The following NOTCH4 variants were observed in gnomAD, a reference collection of about 807,000 sequenced individuals.
NOTCH4 encodes notch receptor 4, also known as neurogenic locus notch homolog protein 4.
NOTCH4 carries 138 observed loss-of-function variants against 189.0 expected under a neutral mutation model. That is an observed-to-expected ratio of 0.73 (90% CI 0.64 to 0.84). The LOEUF is 0.84. Ranked by LOEUF, NOTCH4 falls within the 40% of genes least tolerant of loss-of-function variation. NOTCH4 has a pLI of 0.00. For synonymous variants in NOTCH4, 942 were observed against 1,032.8 expected (o/e 0.91, Z 1.69); for missense variants, 2,286 against 2,605.4 (o/e 0.88, Z 2.67).
intron 11 of NOTCH4, 105 bp downstream of exon 11, chr6:32,216,840 T>G: frequency 1.5e-6 from 2 of 1,293,032 alleles, no homozygotes; most frequent in Non-Finnish European, 2.2e-6. Flanking sequence ...ACCATTCTCA[T>G]TCTATTCTCA....
In NOTCH4 at chr6:32,210,680, C is replaced by T. The variant is rs1203984477; in HGVS notation, c.2865+72G>A. ...GTGAAATGGATACATTGGGTCTTCC[C>T]TCAGTCACTACTGTCTCTCCCATCC... On this transcript the variant is annotated intron_variant, in intron 18 of 29. Transcript: ENST00000375023. The surrounding 1 kb of genome is among the most constrained non-coding windows in gnomAD (Gnocchi z 4.8). The T allele has an allele frequency of 4.8e-6, 7 of 1,459,946 alleles. No homozygotes were observed. The highest frequency in any genetic ancestry group is 6.7e-6 in the Non-Finnish European group (7 of 1,046,956). 90.4% of individuals were successfully genotyped at this position (1,459,946 alleles called of 1,614,324 possible).
chr6:32,197,979 G>A (rs528251442), intron 26 of NOTCH4, among the ~76,000 whole-genome samples: 7 of 152,142 alleles, frequency 4.6e-5, no homozygotes, highest in Non-Finnish European at 8.8e-5. Flanking sequence ...CCGCCACCAC[G>A]CCCGGCTAAT....
chr6:32,196,034 G>T lies in NOTCH4; in HGVS notation c.5415C>A (p.Asp1805Glu). Reference protein sequence around the residue: ...LRDQAGLAPADVAHQRNHWDL... With the variant: ...LRDQAGLAPAEVAHQRNHWDL... Reference sequence around the variant, plus strand: ...CCCAGTGGTTACGTTGGTGAGCGACGTCCGCCGGCGCTAGCCCAGCCTGGT... The same window carrying T: ...CCCAGTGGTTACGTTGGTGAGCGACTTCCGCCGGCGCTAGCCCAGCCTGGT... Residue 1805 changes from aspartate (D) to glutamate (E), a missense_variant, in exon 30 of 30, where the codon GAC (aspartate) becomes GAA (glutamate). Physicochemically the swap from Asp to Glu is conservative, Grantham distance 45. Around this residue, in one of 2 missense-constraint regions of NOTCH4, gnomAD observed 383 missense variants for 343.5 expected, o/e 1.11. Coordinates refer to ENST00000375023, the MANE Select transcript of NOTCH4 (RefSeq NM_004557.4). 6.3e-7 allele frequency: 1 copy of T among 1,595,150 alleles called. No homozygotes were observed. The highest frequency in any genetic ancestry group is 8.5e-7 in the Non-Finnish European group (1 of 1,177,442).
At position 32,223,915 on chromosome 6, in the gene NOTCH4, G is replaced by GCA; in HGVS notation, c.13_14insTG (p.Ser5LeufsTer39). ...CAGCAGCAGCAGCAGCAGCAGCAGT[G>GCA]AAGGGGGCTGCATTCCACAGCCCCT... On this transcript the variant is annotated frameshift_variant, in exon 1 of 30. Transcript: ENST00000375023. LOFTEE classifies it high-confidence loss of function. The GCA allele has an allele frequency of 6.8e-7, 1 of 1,469,814 alleles. No homozygotes were observed. The highest frequency in any genetic ancestry group is 9.3e-7 in the Non-Finnish European group (1 of 1,070,004). The allele number at this position is 1,469,814 out of a possible 1,614,324, so 91.0% of individuals were successfully genotyped here. A position where few individuals can be genotyped will look rare whatever the true frequency, so the allele number is the denominator to read the frequency against.
At position 32,195,628 on chromosome 6, in the gene NOTCH4, C is replaced by CGG; in HGVS notation, c.5820_5821insCC (p.Gly1941ProfsTer56). On this transcript the variant is annotated frameshift_variant, in exon 30 of 30. Coordinates refer to ENST00000375023, the MANE Select transcript of NOTCH4 (RefSeq NM_004557.4). LOFTEE classifies it low-confidence loss of function (END_TRUNC). The surrounding 1 kb of genome is among the most constrained non-coding windows in gnomAD (Gnocchi z 5.4). ...CAGTCATCCGTTGAGACCCTGCCTC[C>CGG]GCGCCCGGCAGCCACTCCGTATCTT... is the stretch of plus-strand genomic sequence containing the variant. 6.2e-7 allele frequency: 1 copy of CGG among 1,612,982 alleles called. No individual in the cohort carries two copies. The highest frequency in any genetic ancestry group is 8.5e-7 in the Non-Finnish European group (1 of 1,179,974).
In NOTCH4 at chr6:32,202,787, G is replaced by A; in HGVS notation, c.3232-188C>T. 1.8e-6 allele frequency: 1 copy of A among 558,110 alleles called. No homozygotes were observed. Among genetic ancestry groups the A allele is most frequent in the South Asian group, 2.8e-5 (1 of 35,104 alleles). 34.6% of individuals were successfully genotyped at this position (558,110 alleles called of 1,614,324 possible). ...ATGTCCTGTGGTAATTTCACACAAT[G>A]ACATATTACATTCTGTTGAAAATGG... On this transcript the variant is annotated intron_variant, in intron 20 of 29. Coordinates refer to ENST00000375023, the MANE Select transcript of NOTCH4 (RefSeq NM_004557.4). This position sits in a 1 kb window ranked among gnomAD's most constrained non-coding sequence, Gnocchi z 5.7.
At position 32,202,638 on chromosome 6, in the gene NOTCH4, A is replaced by G. The variant is rs1788428840; in HGVS notation, c.3232-39T>C. On this transcript the variant is annotated intron_variant, in intron 20 of 29. Coordinates refer to ENST00000375023, the MANE Select transcript of NOTCH4 (RefSeq NM_004557.4). This position sits in a 1 kb window ranked among gnomAD's most constrained non-coding sequence, Gnocchi z 5.7. The stretch of plus-strand genomic sequence containing the variant: ...GGGAGATATTGGAGATGCAACTTGC[A>G]TTATTCTTCCCGCTCTCCATCAAGC... The G allele has an allele frequency of 6.5e-7, 1 of 1,529,658 alleles. No homozygotes were observed. Among genetic ancestry groups the G allele is most frequent in the Non-Finnish European group, 8.8e-7 (1 of 1,135,028 alleles). 94.8% of individuals were successfully genotyped at this position (1,529,658 alleles called of 1,614,324 possible). A position where few individuals can be genotyped will look rare whatever the true frequency, so the allele number is the denominator to read the frequency against.
chr6:32,210,104 TG>T lies in NOTCH4; in HGVS notation c.2865+647del, dbSNP rs1460853700. ...ACAAAGAAGAGGCCCTAATCCAGCC[TG>T]GGGAGAAGTTAGGGACATCTTCCTG... On this transcript the variant is annotated intron_variant, in intron 18 of 29. Coordinates refer to ENST00000375023, the MANE Select transcript of NOTCH4 (RefSeq NM_004557.4). This position sits in a 1 kb window ranked among gnomAD's most constrained non-coding sequence, Gnocchi z 4.8. Among the ~76,000 whole-genome samples, 1 of 152,074 alleles carries T rather than the reference TG, an allele frequency of 6.6e-6. No individual in the cohort carries two copies. Among genetic ancestry groups the T allele is most frequent in the Non-Finnish European group, 1.5e-5 (1 of 68,022 alleles).
At chr6:32,209,105 T>G (rs772670887) in intron 18 of NOTCH4, among the ~76,000 whole-genome samples, 10 of 152,184 alleles carry the variant, frequency 6.6e-5, no homozygotes, top group Non-Finnish European at 1.2e-4. Context: ...TTCAGCAACA[T>G]GGATGAAACT....
At position 32,196,960 on chromosome 6, in the gene NOTCH4, G is replaced by A. The variant is rs1561911453; in HGVS notation, c.5165C>T (p.Ala1722Val). 7 of 1,612,942 alleles carry A rather than the reference G, an allele frequency of 4.3e-6. No homozygotes were observed. In the East Asian group the frequency reaches 1.3e-4, roughly 31 times the overall value. Residue 1722 changes from alanine (A) to valine (V), a missense_variant, in exon 28 of 30, where the codon GCA becomes GTA. By Grantham distance (64) the Ala-to-Val change is moderately conservative. This residue lies in a region of NOTCH4 where 1,903 missense variants were observed against 2,261.9 expected (regional missense o/e 0.84). Coordinates refer to ENST00000375023, the MANE Select transcript of NOTCH4 (RefSeq NM_004557.4). ...AVEDLVEELI[A>V]AQADVGARDK... is the part of the protein sequence containing the mutation. Reference sequence around the variant, plus strand: ...TCTGGCCCCCACGTCTGCTTGGGCTGCAATCAGTTCTTCAACCAGGTCTTC... The same window carrying A: ...TCTGGCCCCCACGTCTGCTTGGGCTACAATCAGTTCTTCAACCAGGTCTTC...
In NOTCH4 at chr6:32,215,246, G is replaced by A; in HGVS notation, c.2001C>T (p.Cys667=). Residue 667 remains cysteine, a synonymous_variant, in exon 12 of 30, where the codon TGC becomes TGT. Transcript: ENST00000375023. The part of the protein sequence containing the change: ...GCAPPEDNCT[C]HHGHCQRSSC... ...GTTACCTCTGGCAGTGCCCGTGGTG[G>A]CAGGTGCAGTTGTCCTCAGGTGGGG... The A allele has an allele frequency of 6.2e-7, 1 of 1,603,244 alleles. No individual in the cohort carries two copies. The highest frequency in any genetic ancestry group is 2.2e-5 in the East Asian group (1 of 44,672).
rs1789782430 is a variant in NOTCH4 at position 32,221,562 on chromosome 6, G to A, written c.452-237C>T. ...GTGATGATGAGAGTATTGCAAATTG[G>A]CCTTGCCTGAGAAAATCTGGGACGT... On this transcript the variant is annotated intron_variant, in intron 3 of 29. Coordinates refer to ENST00000375023, the MANE Select transcript of NOTCH4 (RefSeq NM_004557.4). The surrounding 1 kb of genome is among the most constrained non-coding windows in gnomAD (Gnocchi z 4.3). Among the ~76,000 whole-genome samples the A allele has an allele frequency of 1.3e-5, 2 of 152,092 alleles. No individual in the cohort carries two copies. Among genetic ancestry groups the A allele is most frequent in the African/African-American group, 2.4e-5 (1 of 41,396 alleles).
At position 32,216,448 on chromosome 6, in the gene NOTCH4, C is replaced by T. The variant is rs117695455; in HGVS notation, c.1861+497G>A. The T allele has an allele frequency of 2.3e-3, 446 of 191,400 alleles. 16 individuals are homozygous for T. In the East Asian group the frequency reaches 0.056, roughly 24 times the overall value. The allele number at this position is 191,400 out of a possible 1,614,324, so 11.9% of individuals were successfully genotyped here. ...CAGCCTCTGCTTATCTTTCAAGACT[C>T]ATCTCAGCCATCACCTCCTCCATTT... is the stretch of plus-strand genomic sequence containing the variant. On this transcript the variant is annotated intron_variant, in intron 11 of 29. Transcript: ENST00000375023.
At position 32,200,696 on chromosome 6, in the gene NOTCH4, G is replaced by C. The variant is rs1282813448; in HGVS notation, c.4315+135C>G. The C allele has an allele frequency of 1.4e-6, 1 of 697,996 alleles. No individual in the cohort carries two copies. The highest frequency in any genetic ancestry group is 1.8e-5 in the African/African-American group (1 of 54,278). 43.2% of individuals were successfully genotyped at this position (697,996 alleles called of 1,614,324 possible). On this transcript the variant is annotated intron_variant, in intron 23 of 29. Transcript: ENST00000375023. This position sits in a 1 kb window ranked among gnomAD's most constrained non-coding sequence, Gnocchi z 5.0. ...GGGAGATTCAGTTAGAGAAAGCGGG[G>C]TTAGGGAAAGTAAGTCCCCACAAAG...
Position 32,198,245 on chromosome 6 carries a change from T to A in NOTCH4, c.4756+176A>T, listed in dbSNP as rs1311179328. On this transcript the variant is annotated intron_variant, in intron 26 of 29. Transcript: ENST00000375023. The surrounding 1 kb of genome is among the most constrained non-coding windows in gnomAD (Gnocchi z 5.5). The stretch of plus-strand genomic sequence containing the variant: ...AGTGGAGCCCAATAATTTGCATTTC[T>A]GACAAATTCCCAGGTGATGCTGATT... Among the ~76,000 whole-genome samples, 1 of 152,254 alleles carries A rather than the reference T, an allele frequency of 6.6e-6. No individual in the cohort carries two copies. Among genetic ancestry groups the A allele is most frequent in the Admixed American group, 6.5e-5 (1 of 15,284 alleles).
At chr6:32,204,550 C>T (rs1788559962) in intron 18 of NOTCH4, among the ~76,000 whole-genome samples, 161 bp from the exon 19 acceptor site, 1 of 152,162 alleles carries the variant, frequency 6.6e-6, no homozygotes, top group South Asian at 2.1e-4. Flanking sequence ...CCTTCTATCT[C>T]AACTCCCCAT....
intron 28 of NOTCH4, 30 bp downstream of exon 28, chr6:32,196,895 A>G (rs750527905): frequency 5.6e-6 from 9 of 1,612,168 alleles, no homozygotes; most frequent in South Asian, 1.1e-5. Flanking sequence ...CAACTTCTCT[A>G]TAGCATACAT....
In NOTCH4 at chr6:32,221,111, G is replaced by A. The variant is rs550156284; in HGVS notation, c.666C>T (p.Cys222=). ...HNTLGSFQCL[C]PVGQEGPRCE... is the part of the protein sequence containing the mutation. ...AACGTGGACCCTCCTGCCCCACAGG[G>A]CAGAGGCACTGGAAGGAGCCCAGGG... The change falls in exon 4 of 30, where the codon TGC becomes TGT. Residue 222 remains cysteine, a synonymous_variant. Coordinates refer to ENST00000375023, the MANE Select transcript of NOTCH4 (RefSeq NM_004557.4). This position sits in a 1 kb window ranked among gnomAD's most constrained non-coding sequence, Gnocchi z 4.3. The A allele has an allele frequency of 1.4e-4, 227 of 1,613,114 alleles. No homozygotes were observed. The East Asian group carries it at 3.0e-3, about 21-fold the overall frequency.
intron 18 of NOTCH4, among the ~76,000 whole-genome samples, chr6:32,208,003 CAAAAAA>C (rs9279505): frequency 0.21 from 26,746 of 129,872 alleles, 2,529 homozygotes; most frequent in South Asian, 0.27. Context: ...GACTCCTTCT[CAAAAAA>C]AAAAAAAAAA....
Sources: gnomAD v4.1 joint callset for allele counts (sites outside exome capture counted in the v4.1 genomes callset) on GRCh38, gnomAD v4.1.1 for gene constraint, gnomAD v4.1.1 regional missense constraint, Gnocchi (gnomAD v3.1) non-coding constraint, MANE v1.5 for transcripts, NCBI Gene and HGNC (gene_info 2026-07-23, HGNC 2026-07-21) for gene names.